ROBO2: variants seen among roughly 807,000 people sequenced by gnomAD.
ROBO2 encodes roundabout homolog 2.
ROBO2 carries 53 observed loss-of-function variants against 160.8 expected under a neutral mutation model. That is an observed-to-expected ratio of 0.33 (90% confidence interval 0.26 to 0.41). ROBO2 has a LOEUF of 0.41. ROBO2 is among the 10% of genes least tolerant of loss of function. The probability of loss-of-function intolerance (pLI) is 1.00; values close to 1 mark genes in which losing one functional copy is unlikely to be tolerated. For synonymous variants in ROBO2, 664 were observed against 611.7 expected (o/e 1.09, Z -1.26); for missense variants, 1,577 against 1,722.4 (o/e 0.92, Z 1.49).
At chr3:77,089,785 A>T (rs2069874236) in intron 1 of ROBO2, among the ~76,000 whole-genome samples, 1 of 152,178 alleles carries the variant, frequency 6.6e-6, no homozygotes, top group South Asian at 2.1e-4. Flanking sequence ...AAAAAAAGTT[A>T]TCTCATAATA....
At chr3:77,030,394 T>C (rs2063246050) in intron 2 of ROBO2, among the ~76,000 whole-genome samples, 1 of 152,220 alleles carries the variant, frequency 6.6e-6, no homozygotes, top group Non-Finnish European at 1.5e-5. Flanking sequence ...AAAATGCATA[T>C]TACCATTTTC....
chr3:77,342,349 C>G (rs888891529), intron 2 of ROBO2, among the ~76,000 whole-genome samples: 1 of 152,094 alleles, frequency 6.6e-6, no homozygotes, highest in Non-Finnish European at 1.5e-5. Context: ...GCTCCATTCT[C>G]TCAACACCTG....
chr3:76,415,296 A>G (rs956363037), intron 2 of ROBO2, among the ~76,000 whole-genome samples: 4 of 152,178 alleles, frequency 2.6e-5, no homozygotes, highest in African/African-American at 9.7e-5. Flanking sequence ...TTGAGACTAA[A>G]TGAAGGGTAA....
chr3:77,322,089 T>A (rs1428688021), intron 2 of ROBO2, among the ~76,000 whole-genome samples: 1 of 152,196 alleles, frequency 6.6e-6, no homozygotes, highest in Non-Finnish European at 1.5e-5. Context: ...GCAGGCACTG[T>A]TTTATACCAT....
At chr3:77,523,199 C>A (rs2090791597) in intron 6 of ROBO2, among the ~76,000 whole-genome samples, 1 of 151,372 alleles carries the variant, frequency 6.6e-6, no homozygotes. Flanking sequence ...ACTACTCTTT[C>A]ATTTCCATTG....
chr3:76,925,228 A>AAAAAAAAAAAT (rs757543990), intron 2 of ROBO2, among the ~76,000 whole-genome samples: 1 of 147,478 alleles, frequency 6.8e-6, no homozygotes, highest in Admixed American at 6.8e-5. Context: ...AAAAAAAAAA[A>AAAAAAAAAAAT]AAATCTGGTT....
chr3:76,038,276 G>A (rs1332408289), intron 2 of ROBO2, among the ~76,000 whole-genome samples: 2 of 151,940 alleles, frequency 1.3e-5, no homozygotes, highest in East Asian at 1.9e-4. Flanking sequence ...AAGAATAGGA[G>A]TAGGTGAGAT....
intron 2 of ROBO2, among the ~76,000 whole-genome samples, chr3:76,118,870 T>C (rs1305509745): frequency 6.6e-6 from 1 of 152,198 alleles, no homozygotes; most frequent in African/African-American, 2.4e-5. Context: ...GGGCACCGTT[T>C]AATTAAAATC....
chr3:76,522,677 T>A (rs1480604957), intron 2 of ROBO2, among the ~76,000 whole-genome samples: 1 of 152,116 alleles, frequency 6.6e-6, no homozygotes, highest in African/African-American at 2.4e-5. Context: ...ACTGAATGAT[T>A]TATCTCCGTT....
intron 6 of ROBO2, 41 bp from the exon 8 acceptor site, chr3:77,546,297 A>G (rs777871354): frequency 1.2e-5 from 19 of 1,607,888 alleles, no homozygotes; most frequent in African/African-American, 4.0e-5. Flanking sequence ...TTATTTGTCT[A>G]TGGTTGATAT....
chr3:76,444,441 T>C (rs971364932), intron 2 of ROBO2, among the ~76,000 whole-genome samples: 2 of 152,078 alleles, frequency 1.3e-5, no homozygotes, highest in African/African-American at 4.8e-5. Flanking sequence ...CAAGACTGAG[T>C]AATTTTAAAG....
intron 2 of ROBO2, among the ~76,000 whole-genome samples, chr3:76,755,611 A>T (rs2060925614): frequency 6.6e-6 from 1 of 152,006 alleles, no homozygotes; most frequent in South Asian, 2.1e-4. Flanking sequence ...TTTTGTTCTC[A>T]TGGTGACACC....
At chr3:77,645,987 GT>G in intron 25 of ROBO2, 66 bp from the exon 28 acceptor site, 1 of 1,205,732 alleles carries the variant, frequency 8.3e-7, no homozygotes, top group South Asian at 1.4e-5. Context: ...TTTGCTTTTT[GT>G]TATGCTGGTC....
intron 2 of ROBO2, among the ~76,000 whole-genome samples, chr3:77,277,184 C>CTTTCTTTCTTTCTTT (rs2059918062): frequency 2.6e-5 from 3 of 114,152 alleles, no homozygotes; most frequent in African/African-American, 1.2e-4. Flanking sequence ...TTCTTTCTTT[C>CTTTCTTTCTTTCTTT]TTTCTTTCTT....
intron 2 of ROBO2, among the ~76,000 whole-genome samples, chr3:76,802,715 G>A (rs1289805104): frequency 3.5e-5 from 5 of 142,270 alleles, no homozygotes; most frequent in Admixed American, 1.5e-4. Context: ...GCGACAGAGC[G>A]AGACTCCGTC....
intron 2 of ROBO2, among the ~76,000 whole-genome samples, chr3:76,035,606 A>G (rs900217839): frequency 5.3e-5 from 8 of 152,048 alleles, no homozygotes; most frequent in Non-Finnish European, 7.3e-5. Flanking sequence ...TTAAGACATA[A>G]TGTTTGATGT....
At chr3:75,909,199 C>T (rs1404715521) in intron 1 of ROBO2, among the ~76,000 whole-genome samples, 1 of 152,144 alleles carries the variant, frequency 6.6e-6, no homozygotes, top group Non-Finnish European at 1.5e-5. Context: ...AACAAAATCC[C>T]TATAATACAG....
intron 2 of ROBO2, among the ~76,000 whole-genome samples, chr3:76,897,349 C>T (rs2074872614): frequency 6.6e-6 from 1 of 152,072 alleles, no homozygotes; most frequent in Admixed American, 6.6e-5. Flanking sequence ...TGGAGCACCC[C>T]CAGTGCATTT....
intron 2 of ROBO2, among the ~76,000 whole-genome samples, chr3:76,931,685 CTTTT>C (rs943750100): frequency 1.3e-5 from 2 of 151,644 alleles, no homozygotes; most frequent in Admixed American, 1.3e-4. Flanking sequence ...GTTATACAGA[CTTTT>C]TTTTAAATTT....
Sources: allele counts gnomAD v4.1 joint callset (sites outside exome capture counted in the v4.1 genomes callset), GRCh38; gene constraint gnomAD v4.1.1; transcripts MANE v1.5; gene names NCBI Gene and HGNC (gene_info 2026-07-23, HGNC 2026-07-21).